The following NFU1 variants were observed in gnomAD, a reference collection of about 807,000 sequenced individuals.
NFU1 encodes the protein NFU1 iron-sulfur cluster scaffold homolog, mitochondrial.
NFU1 carries 30 observed loss-of-function variants against 32.2 expected under a neutral mutation model. The observed-to-expected ratio is 0.93, with a 90% CI of 0.70 to 1.26. The LOEUF is 1.26. Among genes scored for constraint, NFU1 ranks in the 50% most tolerant of loss-of-function variants. NFU1 has a pLI of 0.00. For synonymous variants in NFU1, 112 were observed against 104.6 expected, an observed-to-expected ratio of 1.07 and a Z score of -0.43; for missense variants, 306 against 306.6, an observed-to-expected ratio of 1.00 and a Z score of 0.02.
chr2:69,405,991 C>G (rs1672681023), intron 6 of NFU1, 31 bp downstream of exon 6: 1 of 1,447,968 alleles, frequency 6.9e-7, no homozygotes. Flanking sequence ...CTCCAAAGCA[C>G]TTGAATTCAG....
chr2:69,431,078 A>G (rs1228371875), intron 2 of NFU1, among the ~76,000 whole-genome samples: 5 of 152,362 alleles, frequency 3.3e-5, no homozygotes, highest in Non-Finnish European at 5.9e-5. Flanking sequence ...AAAGAAAATT[A>G]AAGTATATAT....
intron 7 of NFU1, among the ~76,000 whole-genome samples, chr2:69,399,059 A>C (rs758239120): frequency 3.2e-4 from 48 of 151,840 alleles, no homozygotes; most frequent in Non-Finnish European, 3.8e-4. Flanking sequence ...TAAAATACAA[A>C]ATACAAAAAA....
intron 7 of NFU1, among the ~76,000 whole-genome samples, chr2:69,398,259 A>G (rs1157315613): frequency 6.6e-6 from 1 of 152,220 alleles, no homozygotes; most frequent in East Asian, 1.9e-4. Flanking sequence ...ACATAAAGCT[A>G]AAACAGATAC....
chr2:69,397,909 C>T (rs1049407173), intron 7 of NFU1, among the ~76,000 whole-genome samples: 2 of 93,644 alleles, frequency 2.1e-5, no homozygotes, highest in African/African-American at 1.2e-4. Flanking sequence ...AGTGAAACTA[C>T]GTCTCAAAAA....
At chr2:69,437,589 C>T (rs1558860051), upstream of NFU1, 1 of 795,364 alleles carries the variant, frequency 1.3e-6, no homozygotes, top group Non-Finnish European at 2.1e-6. Flanking sequence ...TTGCAGGCTA[C>T]TGCGTCACCC....
At chr2:69,404,615 A>ATTCTTTTTTTTTTTTTTTTTTTTTTTT (rs1672635521) in intron 6 of NFU1, among the ~76,000 whole-genome samples, 1 of 73,008 alleles carries the variant, frequency 1.4e-5, no homozygotes, top group African/African-American at 6.3e-5. Context: ...ATCTTAGCAA[A>ATTCTTTTTTTTTTTTTTTTTTTTTTTT]TTTTTTTTTT....
chr2:69,407,434 T>C lies in NFU1; in HGVS notation c.485-1352A>G, dbSNP rs377583977. On this transcript the variant is annotated intron_variant, in intron 5 of 7. Coordinates refer to ENST00000410022, the MANE Select transcript of NFU1 (RefSeq NM_001002755.4). The stretch of plus-strand genomic sequence containing the variant: ...GCTCATGCCTGTAATCCCAGCACTT[T>C]GGGAGGCTGAGGTAGGCACATCACT... 3.7e-4 allele frequency among the ~76,000 whole-genome samples: 56 copies of C among 152,262 alleles called. No homozygotes were observed. The East Asian group carries it at 6.4e-3, about 17-fold the overall frequency.
At chr2:69,436,633 C>G (rs1018938720) in intron 1 of NFU1, among the ~76,000 whole-genome samples, 1 of 152,178 alleles carries the variant, frequency 6.6e-6, no homozygotes, top group African/African-American at 2.4e-5. Flanking sequence ...ATTTAAACTT[C>G]AAGAGCACCA....
At chr2:69,424,878 CTT>C (rs34708604) in intron 2 of NFU1, among the ~76,000 whole-genome samples, 11 of 133,664 alleles carry the variant, frequency 8.2e-5, no homozygotes, top group East Asian at 2.1e-4. Flanking sequence ...GGGTCAAACG[CTT>C]TTTTTTTTTT....
upstream of NFU1, chr2:69,437,756 C>G (rs1001330483): frequency 2.2e-6 from 1 of 455,646 alleles, no homozygotes; most frequent in African/African-American, 2.0e-5. Context: ...TTTCCAGCCC[C>G]TAAACCTGAC....
chr2:69,421,298 A>G (rs1673231010), intron 3 of NFU1, among the ~76,000 whole-genome samples: 1 of 152,080 alleles, frequency 6.6e-6, no homozygotes, highest in Admixed American at 6.6e-5. Context: ...TTAAGAAAAA[A>G]AAAGTACCTA....
In NFU1 at chr2:69,416,374, A is replaced by T. The variant is rs12621568; in HGVS notation, c.370-1075T>A. 6.7e-3 allele frequency among the ~76,000 whole-genome samples: 990 copies of T among 147,586 alleles called. 10 individuals carry two copies. The highest frequency in any genetic ancestry group is 7.3e-3 in the Non-Finnish European group (489 of 67,182). On this transcript the variant is annotated intron_variant, in intron 4 of 7. Coordinates refer to ENST00000410022, the MANE Select transcript of NFU1 (RefSeq NM_001002755.4). Reference sequence around the variant, plus strand: ...TATAATTATTAATATATTAGTAATAATATTATTATTAATTCATTCACTTTC... The same window carrying T: ...TATAATTATTAATATATTAGTAATATTATTATTATTAATTCATTCACTTTC...
At chr2:69,438,873 CCCAGTGATCTTCCCCCAT>C (rs1673950621), upstream of NFU1, among the ~76,000 whole-genome samples, 2 of 115,210 alleles carry the variant, frequency 1.7e-5, no homozygotes, top group African/African-American at 1.0e-4. Flanking sequence ...CAACCCCCCA[CCCAGTGATCTTCCCCCAT>C]CCAACCCCCC....
chr2:69,431,020 C>T (rs149981855), intron 2 of NFU1, among the ~76,000 whole-genome samples: 8 of 152,330 alleles, frequency 5.3e-5, no homozygotes, highest in Non-Finnish European at 1.2e-4. Flanking sequence ...CTCTACATTA[C>T]AGTCATCACA....
chr2:69,422,609 T>G (rs894696748), intron 3 of NFU1, among the ~76,000 whole-genome samples: 3 of 81,302 alleles, frequency 3.7e-5, no homozygotes, highest in African/African-American at 2.8e-4. Flanking sequence ...ATCAATTTGA[T>G]GAATATTTTT....
chr2:69,432,547 C>A (rs537292442), intron 1 of NFU1, among the ~76,000 whole-genome samples: 25 of 151,760 alleles, frequency 1.6e-4, no homozygotes, highest in Non-Finnish European at 3.1e-4. Flanking sequence ...GCACTCCAGC[C>A]TGGGCAACAA....
intron 2 of NFU1, among the ~76,000 whole-genome samples, chr2:69,430,780 A>G (rs1210118900): frequency 1.3e-5 from 2 of 152,238 alleles, no homozygotes; most frequent in Non-Finnish European, 2.9e-5. Context: ...AGCCTGCAGG[A>G]AAGTGTTCCT....
At chr2:69,420,178 G>A (rs1317509179) in intron 3 of NFU1, among the ~76,000 whole-genome samples, 1 of 151,968 alleles carries the variant, frequency 6.6e-6, no homozygotes, top group African/African-American at 2.4e-5. Flanking sequence ...GCTAATTTTT[G>A]TATTTTAGTA....
intron 1 of NFU1, among the ~76,000 whole-genome samples, chr2:69,433,458 G>C (rs1673717876): frequency 6.6e-6 from 1 of 150,544 alleles, no homozygotes; most frequent in Non-Finnish European, 1.5e-5. Flanking sequence ...GAGATTACAG[G>C]CATGAGACAC....
Sources: allele counts gnomAD v4.1 joint callset (sites outside exome capture counted in the v4.1 genomes callset), GRCh38; gene constraint gnomAD v4.1.1; transcripts MANE v1.5; gene names NCBI Gene and HGNC (gene_info 2026-07-23, HGNC 2026-07-21).